Variants in PPARGC1A observed in about 807,000 individuals in gnomAD.
The protein encoded by PPARGC1A is PPARG coactivator 1 alpha, also known as peroxisome proliferator-activated receptor gamma coactivator 1-alpha.
PPARGC1A carries 25 observed loss-of-function variants against 88.7 expected under a neutral mutation model. The observed-to-expected ratio is 0.28, with a 90% CI of 0.21 to 0.39. PPARGC1A has a LOEUF of 0.39. PPARGC1A is among the 10% of genes least tolerant of loss of function. PPARGC1A has a pLI of 1.00. For missense variants in PPARGC1A, 880 were observed against 968.7 expected (o/e 0.91, Z 1.22); for synonymous variants, 363 against 355.6 (o/e 1.02, Z -0.24).
the PPARGC1A span, among the ~76,000 whole-genome samples, chr4:24,459,120 T>A: frequency 6.6e-6 from 1 of 152,166 alleles, no homozygotes; most frequent in Non-Finnish European, 1.5e-5. Context: ...GCAAAAATAA[T>A]GCTCTAAGAA....
chr4:23,864,547 G>T (rs2148727871), intron 2 of PPARGC1A, among the ~76,000 whole-genome samples: 1 of 152,296 alleles, frequency 6.6e-6, no homozygotes, highest in South Asian at 2.1e-4. Context: ...AGTTACTGAG[G>T]GTTCAAAGGA....
At chr4:24,023,171 T>C in the PPARGC1A span, among the ~76,000 whole-genome samples, 1 of 152,204 alleles carries the variant, frequency 6.6e-6, no homozygotes, top group Admixed American at 6.5e-5. Flanking sequence ...TTTACTCCTT[T>C]CGTATTTAAG....
intron 1 of PPARGC1A, among the ~76,000 whole-genome samples, chr4:23,898,470 G>A (rs2148873953): frequency 6.6e-6 from 1 of 152,296 alleles, no homozygotes; most frequent in South Asian, 2.1e-4. Context: ...TGACAACATA[G>A]GAGTAAGGAA....
the PPARGC1A span, among the ~76,000 whole-genome samples, chr4:24,293,997 T>A: frequency 1.3e-5 from 2 of 152,166 alleles, no homozygotes; most frequent in African/African-American, 4.8e-5. Flanking sequence ...TTGGATCAAG[T>A]TTGGCAGAAA....
chr4:24,119,713 AT>A, the PPARGC1A span, among the ~76,000 whole-genome samples: 1 of 152,192 alleles, frequency 6.6e-6, no homozygotes, highest in Non-Finnish European at 1.5e-5. Context: ...GCAGCAAAAA[AT>A]AAATGAAAAT....
chr4:24,005,404 C>A, the PPARGC1A span, among the ~76,000 whole-genome samples: 1 of 152,088 alleles, frequency 6.6e-6, no homozygotes, highest in African/African-American at 2.4e-5. Flanking sequence ...AAATGGTAGC[C>A]TACCAACCCC....
At chr4:24,091,576 G>A in the PPARGC1A span, 1 of 985,352 alleles carries the variant, frequency 1.0e-6, no homozygotes, top group Non-Finnish European at 1.2e-6. Flanking sequence ...GCCAGCGGCT[G>A]TTACTCTCTC....
At chr4:24,281,462 G>A in the PPARGC1A span, among the ~76,000 whole-genome samples, 1 of 152,008 alleles carries the variant, frequency 6.6e-6, no homozygotes, top group African/African-American at 2.4e-5. Context: ...TCTTTGTGAC[G>A]ACCAGTTCTC....
chr4:23,866,132 G>A (rs1392196106), intron 2 of PPARGC1A: 1 of 152,188 alleles, frequency 6.6e-6, no homozygotes, highest in Non-Finnish European at 1.5e-5. Context: ...CCAGCCTAGT[G>A]TTTTAAAACT....
At chr4:24,293,455 TC>T in the PPARGC1A span, among the ~76,000 whole-genome samples, 1 of 7,364 alleles carries the variant, frequency 1.4e-4, no homozygotes, top group Admixed American at 1.9e-3. Flanking sequence ...CCCTCACCTC[TC>T]ACCCCTGCCT....
At chr4:24,110,560 A>G in the PPARGC1A span, among the ~76,000 whole-genome samples, 1 of 152,192 alleles carries the variant, frequency 6.6e-6, no homozygotes, top group African/African-American at 2.4e-5. Context: ...GTAGCCAAAT[A>G]GGCATCTGGG....
the PPARGC1A span, among the ~76,000 whole-genome samples, chr4:24,064,690 C>T: frequency 6.6e-6 from 1 of 152,146 alleles, no homozygotes; most frequent in South Asian, 2.1e-4. Context: ...GCCTTCAAAA[C>T]ACCCTCTGCA....
chr4:24,401,472 C>T, the PPARGC1A span, among the ~76,000 whole-genome samples: 1 of 152,174 alleles, frequency 6.6e-6, no homozygotes. Flanking sequence ...GAATTCTCCA[C>T]ACTTCATGTT....
At chr4:23,920,887 G>T in the PPARGC1A span, among the ~76,000 whole-genome samples, 1 of 152,118 alleles carries the variant, frequency 6.6e-6, no homozygotes, top group Non-Finnish European at 1.5e-5. Flanking sequence ...CAGCCACGGG[G>T]AGCCTGTTCC....
the PPARGC1A span, among the ~76,000 whole-genome samples, chr4:24,170,864 A>T: frequency 3.9e-5 from 6 of 152,252 alleles, no homozygotes; most frequent in African/African-American, 1.4e-4. Context: ...GCATATTCCA[A>T]AGGCGTCATT....
At chr4:24,093,143 A>G in the PPARGC1A span, among the ~76,000 whole-genome samples, 2 of 152,210 alleles carry the variant, frequency 1.3e-5, no homozygotes, top group South Asian at 2.1e-4. Flanking sequence ...TTACAGATAA[A>G]GAATCCAAAA....
the PPARGC1A span, among the ~76,000 whole-genome samples, chr4:23,924,215 C>A: frequency 6.6e-6 from 1 of 152,224 alleles, no homozygotes; most frequent in Non-Finnish European, 1.5e-5. Context: ...TTCTTGGCAA[C>A]CCTCTCTATG....
At chr4:24,248,033 GAA>G in the PPARGC1A span, among the ~76,000 whole-genome samples, 5 of 152,296 alleles carry the variant, frequency 3.3e-5, no homozygotes, top group Admixed American at 2.6e-4. Context: ...ATGGGATGAA[GAA>G]AGTCTTCACC....
chr4:24,233,648 A>G, the PPARGC1A span, among the ~76,000 whole-genome samples: 1 of 151,708 alleles, frequency 6.6e-6, no homozygotes, highest in Admixed American at 6.6e-5. Context: ...TTTAGTAAAT[A>G]CTCCCATTTG....
Sources: gnomAD v4.1 joint callset for allele counts (sites outside exome capture counted in the v4.1 genomes callset) on GRCh38, gnomAD v4.1.1 for gene constraint, MANE v1.5 for transcripts, NCBI Gene and HGNC (gene_info 2026-07-23, HGNC 2026-07-21) for gene names.